Variants in MEGF9 observed in about 807,000 individuals in gnomAD.
MEGF9 encodes the protein multiple EGF like domains 9, also known as multiple epidermal growth factor-like domains protein 9.
In MEGF9, 6 loss-of-function variants were observed where a neutral mutation model predicts 46.8. The ratio of observed to expected loss-of-function variants is 0.13; its 90% CI spans 0.07 to 0.25. MEGF9 has a LOEUF of 0.25. Among genes scored for constraint, MEGF9 ranks in the 10% least tolerant of loss-of-function variants. MEGF9 has a pLI of 1.00. For missense variants in MEGF9, 683 were observed against 792.4 expected, an observed-to-expected ratio of 0.86 and a Z score of 1.66; for synonymous variants, 302 against 330.7, an observed-to-expected ratio of 0.91 and a Z score of 0.94.
intron 2 of MEGF9, among the ~76,000 whole-genome samples, chr9:120,653,258 TCCTAAG>T (rs778262137): frequency 3.7e-4 from 57 of 152,320 alleles, no homozygotes; most frequent in Admixed American, 6.5e-4. Flanking sequence ...GATTTAGAGC[TCCTAAG>T]CCTTCCTTAT....
At chr9:120,667,896 G>C (rs1420074963) in intron 1 of MEGF9, among the ~76,000 whole-genome samples, 1 of 152,162 alleles carries the variant, frequency 6.6e-6, no homozygotes, top group Non-Finnish European at 1.5e-5. Context: ...ATGGTGGCAT[G>C]TGCCTGTAAT....
At chr9:120,614,017 A>ATTTTTTT (rs5900454) in intron 3 of MEGF9, among the ~76,000 whole-genome samples, 4 of 147,318 alleles carry the variant, frequency 2.7e-5, no homozygotes, top group Non-Finnish European at 4.5e-5. Context: ...AAAAAGCTCA[A>ATTTTTTT]TTTTTTTTTT....
chr9:120,714,372 CG>C lies in MEGF9; in HGVS notation c.-15del, dbSNP rs1420975462. ...TCCGCCATTCATTCATTCAGCCAGTCGGTTGGTCAGTCATCTTCTCCTCGTT... is the reference window on the plus strand; with the variant it reads ...TCCGCCATTCATTCATTCAGCCAGTCGTTGGTCAGTCATCTTCTCCTCGTT... On this transcript the variant is annotated 5_prime_UTR_variant, in exon 1 of 6. The change abolishes the stop of an existing upstream ORF in the 5' untranslated region. Coordinates refer to ENST00000373930, the MANE Select transcript of MEGF9 (RefSeq NM_001080497.3). 9.9e-6 allele frequency: 13 copies of C among 1,308,326 alleles called. No individual in the cohort carries two copies. The highest frequency in any genetic ancestry group is 2.0e-4 in the Middle Eastern group (1 of 5,032). The allele number at this position is 1,308,326 out of a possible 1,614,324, so 81.0% of individuals were successfully genotyped here.
intron 2 of MEGF9, among the ~76,000 whole-genome samples, chr9:120,651,017 G>T (rs1191865536): frequency 6.6e-6 from 1 of 152,060 alleles, no homozygotes; most frequent in Non-Finnish European, 1.5e-5. Context: ...GTGTTTCATA[G>T]TTTTGCACAG....
Position 120,713,981 on chromosome 9 carries a change from G to T in MEGF9, c.378C>A (p.Thr126=). The T allele has an allele frequency of 1.4e-6, 2 of 1,384,008 alleles. No homozygotes were observed. The highest frequency in any genetic ancestry group is 1.7e-5 in the South Asian group (1 of 57,270). 85.7% of individuals were successfully genotyped at this position (1,384,008 alleles called of 1,614,324 possible). The change falls in exon 1 of 6, where the codon ACC becomes ACA. Residue 126 remains threonine, a synonymous_variant. Coordinates refer to ENST00000373930, the MANE Select transcript of MEGF9 (RefSeq NM_001080497.3). ...TCGAAGTGCGTTCCGCCGCCGGAGG[G>T]GTGGTCGGCGAGGGGCCGAGCGGCG... ...FQAPLGPSPT[T]PPAAERTSTT...
At chr9:120,675,250 G>A (rs1033186286) in intron 1 of MEGF9, among the ~76,000 whole-genome samples, 1 of 152,106 alleles carries the variant, frequency 6.6e-6, no homozygotes, top group African/African-American at 2.4e-5. Context: ...TATTACATAT[G>A]AGAATATTTT....
At chr9:120,705,280 CA>C (rs1280182645) in intron 1 of MEGF9, among the ~76,000 whole-genome samples, 1 of 151,724 alleles carries the variant, frequency 6.6e-6, no homozygotes, top group Non-Finnish European at 1.5e-5. Context: ...GTTCTCAGTG[CA>C]AACTGTTCAA....
intron 1 of MEGF9, among the ~76,000 whole-genome samples, chr9:120,692,737 C>T (rs1564429254): frequency 1.3e-5 from 2 of 152,110 alleles, no homozygotes; most frequent in South Asian, 4.1e-4. Context: ...CATGTATGTG[C>T]TCTCTTACTT....
At chr9:120,680,922 A>ATT in intron 1 of MEGF9, among the ~76,000 whole-genome samples, 1 of 148,452 alleles carries the variant, frequency 6.7e-6, no homozygotes, top group East Asian at 2.1e-4. Flanking sequence ...TTTTCCAGGC[A>ATT]GCAGGCTCCC....
At chr9:120,606,734 T>C (rs990484280) in intron 5 of MEGF9, among the ~76,000 whole-genome samples, 4 of 152,166 alleles carry the variant, frequency 2.6e-5, no homozygotes, top group Middle Eastern at 3.2e-3. Flanking sequence ...TGAAATAATA[T>C]ACTACACAGC....
In MEGF9 at chr9:120,603,811, T is replaced by C. The variant is rs2132295116; in HGVS notation, c.*1379A>G. The C allele has an allele frequency of 6.5e-6, 1 of 152,748 alleles. No individual in the cohort carries two copies. The highest frequency in any genetic ancestry group is 1.9e-4 in the East Asian group (1 of 5,194). 9.5% of individuals were successfully genotyped at this position (152,748 alleles called of 1,614,324 possible). A position where few individuals can be genotyped will look rare whatever the true frequency, so the allele number is the denominator to read the frequency against. On this transcript the variant is annotated 3_prime_UTR_variant, in exon 6 of 6. Transcript: ENST00000373930. ...AGACAGGAAGACAATGGGAGAACTA[T>C]AGCACTGCAGGGAGATGGCACATAC...
chr9:120,652,478 TA>T (rs57268783), intron 2 of MEGF9, among the ~76,000 whole-genome samples: 180 of 85,616 alleles, frequency 2.1e-3, no homozygotes, highest in African/African-American at 5.4e-3. Context: ...GATCTTGTCT[TA>T]AAAAAAAAAA....
intron 2 of MEGF9, among the ~76,000 whole-genome samples, chr9:120,627,008 C>T (rs1408264145): frequency 1.3e-5 from 2 of 151,986 alleles, no homozygotes; most frequent in Non-Finnish European, 2.9e-5. Flanking sequence ...TTGGCAAAGA[C>T]AGGGAAGACT....
chr9:120,610,053 C>T (rs979220017), intron 4 of MEGF9, among the ~76,000 whole-genome samples: 3 of 152,028 alleles, frequency 2.0e-5, no homozygotes, highest in Admixed American at 2.0e-4. Flanking sequence ...GTAGTGTGAT[C>T]TCAAGTAAGT....
chr9:120,605,369 G>A lies in MEGF9; in HGVS notation c.1630C>T (p.Arg544Trp), dbSNP rs751098164. ...AVYMYREYQN[R>W]KLNAPFWTIE... ...GTCCAAAAGGGGGCATTGAGTTTCC[G>A]GTTTTGGTACTCGCGGTACATATAT... Residue 544 changes from arginine (R) to tryptophan (W), a missense_variant, in exon 6 of 6, where the codon CGG becomes TGG. Arg to Trp is a moderately radical substitution (Grantham distance 101). Coordinates refer to ENST00000373930, the MANE Select transcript of MEGF9 (RefSeq NM_001080497.3). The surrounding 1 kb of genome is among the most constrained non-coding windows in gnomAD (Gnocchi z 4.0). 30 of 1,613,854 alleles carry A rather than the reference G, an allele frequency of 1.9e-5. No individual in the cohort carries two copies. Among genetic ancestry groups the A allele is most frequent in the Non-Finnish European group, 2.5e-5 (30 of 1,179,896 alleles).
intron 1 of MEGF9, among the ~76,000 whole-genome samples, chr9:120,695,944 A>T (rs184487951): frequency 6.6e-6 from 1 of 152,264 alleles, no homozygotes; most frequent in Admixed American, 6.5e-5. Context: ...ATGCACCTTT[A>T]CCTGGCTTGG....
chr9:120,616,987 C>T (rs186194667), intron 3 of MEGF9, among the ~76,000 whole-genome samples: 40 of 151,612 alleles, frequency 2.6e-4, no homozygotes, highest in Non-Finnish European at 3.5e-4. Context: ...ATCTAAGAAT[C>T]TTTCTTTTAT....
At chr9:120,693,801 G>A (rs918009525) in intron 1 of MEGF9, among the ~76,000 whole-genome samples, 1 of 152,046 alleles carries the variant, frequency 6.6e-6, no homozygotes, top group South Asian at 2.1e-4. Flanking sequence ...TGTTAGTTTG[G>A]GGATGTAGGC....
rs1428620037 is a variant in MEGF9, at chr9:120,647,292, C to T, written c.803+12082G>A. 2.6e-5 allele frequency among the ~76,000 whole-genome samples: 4 copies of T among 152,100 alleles called. No individual in the cohort carries two copies. The East Asian group carries it at 7.7e-4, about 29-fold the overall frequency. On this transcript the variant is annotated intron_variant, in intron 2 of 5. Transcript: ENST00000373930. The stretch of plus-strand genomic sequence containing the variant: ...AGCTTTCCAGAATGTATTAGATACG[C>T]ATTATTTACACTTAAATCCCAATGC...
Sources: gnomAD v4.1 joint callset for allele counts (sites outside exome capture counted in the v4.1 genomes callset) on GRCh38, gnomAD v4.1.1 for gene constraint, Gnocchi (gnomAD v3.1) non-coding constraint, MANE v1.5 for transcripts, NCBI Gene and HGNC (gene_info 2026-07-23, HGNC 2026-07-21) for gene names.